MGAT5: variants seen among roughly 807,000 people sequenced by gnomAD.
MGAT5 encodes alpha-1,6-mannosylglycoprotein 6-beta-N-acetylglucosaminyltransferase A.
MGAT5 carries 30 observed loss-of-function variants against 94.3 expected under a neutral mutation model. That is an observed-to-expected ratio of 0.32 (90% CI 0.24 to 0.43). The LOEUF (loss-of-function observed/expected upper bound fraction) is 0.43. Among genes scored for constraint, MGAT5 ranks in the 20% least tolerant of loss-of-function variants. The pLI is 1.00. For missense variants in MGAT5, 691 were observed against 905.5 expected (o/e 0.76, Z 3.04); for synonymous variants, 310 against 322.9 (o/e 0.96, Z 0.43).
At chr2:134,313,038 AC>A (rs1686778444) in intron 2 of MGAT5, among the ~76,000 whole-genome samples, 1 of 1,080 alleles carries the variant, frequency 9.3e-4, no homozygotes, top group Non-Finnish European at 7.9e-3. Flanking sequence ...CAAGAAATAA[AC>A]ACACACACAC....
At chr2:134,381,196 C>G (rs1681521812) in intron 10 of MGAT5, among the ~76,000 whole-genome samples, 1 of 152,050 alleles carries the variant, frequency 6.6e-6, no homozygotes, top group Non-Finnish European at 1.5e-5. Flanking sequence ...TTCCTTCAGT[C>G]ACAGCTACTT....
intron 1 of MGAT5, among the ~76,000 whole-genome samples, chr2:134,163,593 GGA>G (rs1362939502): frequency 6.6e-6 from 1 of 152,214 alleles, no homozygotes; most frequent in Non-Finnish European, 1.5e-5. Flanking sequence ...GATGCTCAGA[GGA>G]GAGAGGTACA....
In MGAT5 at chr2:134,254,316, G is replaced by A. The variant is rs1237072282; in HGVS notation, c.-88G>A. 2.0e-6 allele frequency: 3 copies of A among 1,494,920 alleles called. No individual in the cohort carries two copies. Among genetic ancestry groups the A allele is most frequent in the Non-Finnish European group, 9.1e-7 (1 of 1,100,398 alleles). 92.6% of individuals were successfully genotyped at this position (1,494,920 alleles called of 1,614,324 possible). A position where few individuals can be genotyped will look rare whatever the true frequency, so the allele number is the denominator to read the frequency against. The stretch of plus-strand genomic sequence containing the variant: ...TGACACAGGAGCCAGAGTGAGACCA[G>A]CAGACTCTCACACTCAACCTACACC... On this transcript the variant is annotated 5_prime_UTR_variant, in exon 1 of 16. Coordinates refer to ENST00000281923, the MANE Select transcript of MGAT5 (RefSeq NM_002410.5).
chr2:134,355,609 A>G lies in MGAT5; in HGVS notation c.1246+5671A>G, dbSNP rs1345835767. ...TCTCAAACAAGGTGCATTATATCTC[A>G]GTAAATAAATGCAAGAAATCTGCCC... On this transcript the variant is annotated intron_variant, in intron 9 of 15. Coordinates refer to ENST00000281923, the MANE Select transcript of MGAT5 (RefSeq NM_002410.5). Among the ~76,000 whole-genome samples the G allele has an allele frequency of 8.5e-5, 13 of 152,332 alleles. No homozygotes were observed. In the East Asian group the frequency reaches 2.1e-3, roughly 25 times the overall value.
chr2:134,141,641 G>T (rs938114493), intron 1 of MGAT5, among the ~76,000 whole-genome samples: 6 of 152,322 alleles, frequency 3.9e-5, no homozygotes, highest in Middle Eastern at 3.4e-3. Flanking sequence ...AGGGGGCTTA[G>T]TCCAATCTAG....
intron 10 of MGAT5, among the ~76,000 whole-genome samples, chr2:134,402,537 A>G (rs1683113037): frequency 6.6e-6 from 1 of 152,186 alleles, no homozygotes; most frequent in Admixed American, 6.5e-5. Flanking sequence ...CCTCTGGGAC[A>G]GCTTAGCATC....
intron 2 of MGAT5, among the ~76,000 whole-genome samples, chr2:134,288,937 A>C (rs1407896256): frequency 6.6e-6 from 1 of 152,224 alleles, no homozygotes; most frequent in Non-Finnish European, 1.5e-5. Context: ...ATTGTAAAAC[A>C]CATTACATTA....
At chr2:134,209,163 T>TTTTTA (rs1680181269) in intron 1 of MGAT5, among the ~76,000 whole-genome samples, 1 of 14,572 alleles carries the variant, frequency 6.9e-5, no homozygotes, top group African/African-American at 1.5e-3. Context: ...TTTTTTTTTT[T>TTTTTA]TTTTTTATTT....
intron 1 of MGAT5, among the ~76,000 whole-genome samples, chr2:134,209,055 A>G (rs1301754321): frequency 6.6e-6 from 1 of 151,616 alleles, no homozygotes; most frequent in Non-Finnish European, 1.5e-5. Flanking sequence ...TGTCACTTGC[A>G]GTCACTTGTC....
At chr2:134,181,946 G>A (rs1412746508) in intron 1 of MGAT5, among the ~76,000 whole-genome samples, 1 of 152,096 alleles carries the variant, frequency 6.6e-6, no homozygotes, top group African/African-American at 2.4e-5. Context: ...CACAATTTAA[G>A]GTGAAGAAAC....
Position 134,143,014 on chromosome 2 carries a change from G to A in MGAT5, c.-143+22723G>A, listed in dbSNP as rs74553280. On this transcript the variant is annotated intron_variant, in intron 1 of 16. Coordinates refer to the MGAT5 transcript ENST00000409645. ...GATACAGGCCGGAGGGGGCATGGGGGTGGGAGGACAAATGTGAGACAGGCC... is the reference window on the plus strand; with the variant it reads ...GATACAGGCCGGAGGGGGCATGGGGATGGGAGGACAAATGTGAGACAGGCC... 3.2e-3 allele frequency among the ~76,000 whole-genome samples: 490 copies of A among 152,144 alleles called. 5 individuals carry two copies. Among genetic ancestry groups the A allele is most frequent in the African/African-American group, 0.011 (466 of 41,510 alleles).
chr2:134,236,126 T>G (rs1681626437), intron 1 of MGAT5, among the ~76,000 whole-genome samples: 1 of 152,244 alleles, frequency 6.6e-6, no homozygotes, highest in Non-Finnish European at 1.5e-5. Flanking sequence ...TTTTGAGATG[T>G]GGCTTGTTCA....
chr2:134,415,422 G>T (rs545414308), intron 12 of MGAT5, among the ~76,000 whole-genome samples: 1 of 152,272 alleles, frequency 6.6e-6, no homozygotes, highest in South Asian at 2.1e-4. Context: ...GTCTTCTTTC[G>T]AGAAATGTCT....
rs1287370780 is a variant in MGAT5, at chr2:134,422,807, C to T, written c.1682C>T (p.Thr561Ile). The T allele has an allele frequency of 6.2e-7, 1 of 1,613,242 alleles. No individual in the cohort carries two copies. Among genetic ancestry groups the T allele is most frequent in the African/African-American group, 1.3e-5 (1 of 74,910 alleles). ...FIGKPTLREL[T>I]SQHPYAEVFI... ...AGGTGTTCGGTTCTTTTCCAGCTGA[C>T]ATCCCAGCATCCTTACGCTGAAGTT... is the stretch of plus-strand genomic sequence containing the variant. The change falls in exon 13 of 16, where the codon ACA (threonine) becomes ATA (isoleucine). Residue 561 changes from threonine (T) to isoleucine (I), a missense_variant. Coordinates refer to ENST00000281923, the MANE Select transcript of MGAT5 (RefSeq NM_002410.5).
At chr2:134,420,091 C>T (rs971989650) in intron 12 of MGAT5, among the ~76,000 whole-genome samples, 4 of 152,142 alleles carry the variant, frequency 2.6e-5, no homozygotes, top group Non-Finnish European at 4.4e-5. Context: ...TTGTCACCTT[C>T]CTTTTTATCC....
chr2:134,291,007 T>C (rs1685311405), intron 2 of MGAT5, among the ~76,000 whole-genome samples: 1 of 152,170 alleles, frequency 6.6e-6, no homozygotes, highest in South Asian at 2.1e-4. Context: ...GAGCTTATAT[T>C]CTAGCAAAGG....
At chr2:134,352,322 T>C (rs1679436598) in intron 9 of MGAT5, among the ~76,000 whole-genome samples, 1 of 152,190 alleles carries the variant, frequency 6.6e-6, no homozygotes, top group African/African-American at 2.4e-5. Flanking sequence ...CATAGGGGAC[T>C]GAGTGAATAA....
At chr2:134,239,357 T>G (rs925038545) in intron 1 of MGAT5, among the ~76,000 whole-genome samples, 13 of 152,220 alleles carry the variant, frequency 8.5e-5, no homozygotes, top group Non-Finnish European at 1.2e-4. Context: ...AATTACTTTT[T>G]GGGGCTGTCA....
At chr2:134,392,407 G>C (rs62171362) in intron 10 of MGAT5, among the ~76,000 whole-genome samples, 7,792 of 152,254 alleles carry the variant, frequency 0.051, 259 homozygotes, top group East Asian at 0.082. Flanking sequence ...TTAAAAATCA[G>C]CTCTTCATTT....
Sources: gnomAD v4.1 joint callset for allele counts (sites outside exome capture counted in the v4.1 genomes callset) on GRCh38, gnomAD v4.1.1 for gene constraint, MANE v1.5 for transcripts, NCBI Gene and HGNC (gene_info 2026-07-23, HGNC 2026-07-21) for gene names.